The following SMYD3 variants were observed in gnomAD, a reference collection of about 807,000 sequenced individuals.
SMYD3 encodes SET and MYND domain containing 3.
A neutral mutation model predicts 57.7 loss-of-function variants in SMYD3; 36 were observed. The ratio of observed to expected loss-of-function variants is 0.62; its 90% CI spans 0.48 to 0.82. The LOEUF is 0.82. Among genes scored for constraint, SMYD3 ranks in the 40% least tolerant of loss-of-function variants. The pLI is 0.00. For missense variants in SMYD3, 515 were observed against 538.8 expected (o/e 0.96, Z 0.44); for synonymous variants, 211 against 195.0 (o/e 1.08, Z -0.68).
At chr1:246,243,832 G>A in intron 5 of SMYD3, among the ~76,000 whole-genome samples, 2 of 151,832 alleles carry the variant, frequency 1.3e-5, no homozygotes, top group Non-Finnish European at 2.9e-5. Flanking sequence ...AAGAGATTGA[G>A]AGTTAAGATT....
At chr1:245,750,299 T>C (rs1255592947) in intron 11 of SMYD3, among the ~76,000 whole-genome samples, 1 of 152,202 alleles carries the variant, frequency 6.6e-6, no homozygotes, top group African/African-American at 2.4e-5. Context: ...CTGTGTTGTT[T>C]ACTGGTCAGT....
intron 5 of SMYD3, among the ~76,000 whole-genome samples, chr1:246,062,378 C>G (rs912414643): frequency 3.9e-5 from 6 of 152,128 alleles, no homozygotes; most frequent in Admixed American, 2.0e-4. Context: ...TTTAGAGCAC[C>G]TCTCCACAGT....
intron 1 of SMYD3, among the ~76,000 whole-genome samples, chr1:246,379,738 G>A (rs941753893): frequency 1.6e-4 from 25 of 152,120 alleles, no homozygotes; most frequent in African/African-American, 5.1e-4. Context: ...GGTGGCTCAC[G>A]CCTGTAATCC....
chr1:245,916,321 C>G (rs4396094), intron 7 of SMYD3, among the ~76,000 whole-genome samples: 9,237 of 152,182 alleles, frequency 0.061, 551 homozygotes, highest in African/African-American at 0.14. Flanking sequence ...ATTTAAAGGA[C>G]TCCTCGGACA....
chr1:246,379,699 CTT>C (rs2066356130), intron 1 of SMYD3, among the ~76,000 whole-genome samples: 1 of 152,148 alleles, frequency 6.6e-6, no homozygotes, highest in South Asian at 2.1e-4. Context: ...ATCCAACTGA[CTT>C]TTAAAAGTTT....
chr1:245,776,630 A>G (rs111783203), intron 10 of SMYD3, among the ~76,000 whole-genome samples: 1 of 152,226 alleles, frequency 6.6e-6, no homozygotes, highest in East Asian at 1.9e-4. Flanking sequence ...CTCAGAGCCC[A>G]CAGACCTTGA....
intron 1 of SMYD3, among the ~76,000 whole-genome samples, chr1:246,396,267 G>A (rs1166833864): frequency 6.6e-6 from 1 of 152,184 alleles, no homozygotes. Flanking sequence ...ACTGGTACAT[G>A]TCTCCATTTT....
chr1:245,846,349 T>C (rs138877973), intron 10 of SMYD3, among the ~76,000 whole-genome samples: 3 of 152,308 alleles, frequency 2.0e-5, no homozygotes, highest in Admixed American at 2.0e-4. Context: ...CTCAGGTGGA[T>C]TTCTGTTACT....
intron 5 of SMYD3, among the ~76,000 whole-genome samples, chr1:246,053,545 C>T (rs2060096851): frequency 6.6e-6 from 1 of 152,044 alleles, no homozygotes; most frequent in African/African-American, 2.4e-5. Flanking sequence ...GATGAAAAGG[C>T]AATTTAATGG....
intron 8 of SMYD3, among the ~76,000 whole-genome samples, chr1:245,898,785 G>A (rs992167048): frequency 3.9e-5 from 6 of 152,138 alleles, no homozygotes; most frequent in Non-Finnish European, 7.4e-5. Flanking sequence ...TTTGCAACAA[G>A]GCATGTGACA....
intron 5 of SMYD3, among the ~76,000 whole-genome samples, chr1:246,033,217 A>T (rs576440639): frequency 2.3e-4 from 34 of 146,478 alleles, no homozygotes; most frequent in South Asian, 4.2e-4. Context: ...AATTGGTAAT[A>T]AAAAAAAAAC....
intron 10 of SMYD3, among the ~76,000 whole-genome samples, chr1:245,825,373 G>A (rs1191672587): frequency 6.6e-6 from 1 of 152,206 alleles, no homozygotes; most frequent in Non-Finnish European, 1.5e-5. Context: ...ATATCTAGAG[G>A]AAACTACTAC....
chr1:245,988,604 G>C (rs2058750751), intron 5 of SMYD3: 1 of 152,264 alleles, frequency 6.6e-6, no homozygotes, highest in Admixed American at 6.5e-5. Context: ...CCCACCCACT[G>C]ACATGGCCAC....
intron 5 of SMYD3, among the ~76,000 whole-genome samples, chr1:246,110,647 C>T (rs537827885): frequency 9.2e-5 from 14 of 152,330 alleles, no homozygotes; most frequent in African/African-American, 1.4e-4. Context: ...GGTGCAAGCA[C>T]GCCTGCACAG....
intron 5 of SMYD3, among the ~76,000 whole-genome samples, chr1:246,159,192 T>C (rs2062073842): frequency 6.6e-6 from 1 of 152,168 alleles, no homozygotes; most frequent in Admixed American, 6.5e-5. Context: ...AATTCACTGC[T>C]TTCAACAGAA....
chr1:245,770,221 G>A (rs1040003991), intron 10 of SMYD3, among the ~76,000 whole-genome samples: 4 of 152,198 alleles, frequency 2.6e-5, no homozygotes, highest in Non-Finnish European at 5.9e-5. Flanking sequence ...TGGAAAGAGT[G>A]GAAGGTGAAC....
At chr1:246,480,147 G>A (rs2068082914) in intron 1 of SMYD3, among the ~76,000 whole-genome samples, 1 of 152,156 alleles carries the variant, frequency 6.6e-6, no homozygotes, top group Non-Finnish European at 1.5e-5. Flanking sequence ...CACTTAAAGT[G>A]TACAATGCAA....
At chr1:245,765,132 A>T (rs571844565) in intron 10 of SMYD3, among the ~76,000 whole-genome samples, 20 of 151,570 alleles carry the variant, frequency 1.3e-4, no homozygotes, top group Non-Finnish European at 2.5e-4. Context: ...CACACCTGTA[A>T]TCCCAGCACT....
chr1:246,498,236 C>A (rs2068394862), intron 1 of SMYD3, among the ~76,000 whole-genome samples: 1 of 152,140 alleles, frequency 6.6e-6, no homozygotes, highest in African/African-American at 2.4e-5. Context: ...CAAGGTTATT[C>A]ATTAGAGCAA....
Sources: allele counts gnomAD v4.1 joint callset (sites outside exome capture counted in the v4.1 genomes callset), GRCh38; gene constraint gnomAD v4.1.1; transcripts MANE v1.5; gene names NCBI Gene and HGNC (gene_info 2026-07-23, HGNC 2026-07-21).